ATP5MJ: variants seen among roughly 807,000 people sequenced by gnomAD.
The protein encoded by ATP5MJ is ATP synthase F(0) complex subunit j, mitochondrial.
ATP5MJ carries 4 observed loss-of-function variants against 8.3 expected under a neutral mutation model. The observed-to-expected ratio is 0.48, with a 90% CI of 0.24 to 1.11. ATP5MJ has a LOEUF of 1.11. Among genes scored for constraint, ATP5MJ ranks in the 50% least tolerant of loss-of-function variants. The pLI, the probability that ATP5MJ is intolerant of heterozygous loss-of-function variation, is 0.18. For missense variants in ATP5MJ, 66 were observed against 71.8 expected, an observed-to-expected ratio of 0.92 and a Z score of 0.29; for synonymous variants, 23 against 21.3, an observed-to-expected ratio of 1.08 and a Z score of -0.23.
At chr14:103,919,627 A>C (rs937528617) in intron 1 of ATP5MJ, among the ~76,000 whole-genome samples, 1 of 152,096 alleles carries the variant, frequency 6.6e-6, no homozygotes, top group Admixed American at 6.6e-5. Flanking sequence ...GAAGGGACTA[A>C]AGAAACTGAG....
intron 2 of ATP5MJ, 158 bp downstream of exon 2, chr14:103,914,908 G>C (rs1039401729): frequency 1.3e-6 from 1 of 769,354 alleles, no homozygotes; most frequent in Non-Finnish European, 2.0e-6. Context: ...GTCTTTTATA[G>C]CTGACATGTG....
chr14:103,913,923 T>C, intron 3 of ATP5MJ, 38 bp downstream of exon 3: 1 of 1,604,598 alleles, frequency 6.2e-7, no homozygotes, highest in Non-Finnish European at 8.5e-7. Context: ...ATGATGCTGT[T>C]TTCCATTCCC....
intron 1 of ATP5MJ, among the ~76,000 whole-genome samples, chr14:103,920,193 C>T (rs567617981): frequency 4.7e-5 from 7 of 149,146 alleles, no homozygotes; most frequent in South Asian, 2.1e-4. Flanking sequence ...GACGCGATCT[C>T]GGCTCACTGC....
At chr14:103,917,918 C>G (rs1352327898) in intron 1 of ATP5MJ, 1 of 152,224 alleles carries the variant, frequency 6.6e-6, no homozygotes, top group East Asian at 1.9e-4. Flanking sequence ...ATGACGAGAA[C>G]CTACCTCCAA....
At chr14:103,917,458 CT>C (rs11397437) in intron 1 of ATP5MJ, among the ~76,000 whole-genome samples, 469 of 145,670 alleles carry the variant, frequency 3.2e-3, no homozygotes, top group Admixed American at 3.2e-3. Flanking sequence ...AATTTAACAA[CT>C]TTTTTTTTTT....
chr14:103,913,725 C>T, intron 3 of ATP5MJ: 1 of 580,794 alleles, frequency 1.7e-6, no homozygotes. Flanking sequence ...CTAATTAATC[C>T]ATTCCTCTAT....
At chr14:103,916,976 A>C (rs971345559) in intron 1 of ATP5MJ, among the ~76,000 whole-genome samples, 3 of 152,116 alleles carry the variant, frequency 2.0e-5, no homozygotes, top group Admixed American at 2.0e-4. Flanking sequence ...CCCTCAAATC[A>C]CTGAAACCCG....
intron 1 of ATP5MJ, among the ~76,000 whole-genome samples, chr14:103,918,654 T>C (rs1159797857): frequency 6.6e-6 from 1 of 152,042 alleles, no homozygotes; most frequent in African/African-American, 2.4e-5. Context: ...GCCACCAGGC[T>C]CAACCCAGAG....
chr14:103,914,407 C>G (rs2087606380), intron 2 of ATP5MJ: 2 of 567,516 alleles, frequency 3.5e-6, no homozygotes, highest in South Asian at 4.7e-5. Flanking sequence ...ACCATGAACC[C>G]ATACCTTAAA....
At chr14:103,919,296 G>C (rs1408800423) in intron 1 of ATP5MJ, among the ~76,000 whole-genome samples, 1 of 149,474 alleles carries the variant, frequency 6.7e-6, no homozygotes, top group Non-Finnish European at 1.5e-5. Context: ...CAGGAGAATC[G>C]CTTGAACCCG....
At chr14:103,918,219 C>G (rs2087640846) in intron 1 of ATP5MJ, 1 of 152,268 alleles carries the variant, frequency 6.6e-6, no homozygotes, top group Non-Finnish European at 1.5e-5. Context: ...GAGTGAATCC[C>G]TTGTCTCTCA....
Position 103,912,676 on chromosome 14 carries a change from C to T in ATP5MJ, c.167G>A (p.Gly56Asp). ...TCCAAGTAAATCTGGTTAGTGATGA[C>T]CAGGAGCAGGCGCTGAAGCTTTTGA... is the stretch of plus-strand genomic sequence containing the variant. ...KALKASAPAP[G>D]HH Residue 56 changes from glycine (G) to aspartate (D), a missense_variant, in exon 4 of 4, where the codon GGT becomes GAT. By Grantham distance (94) the Gly-to-Asp change is moderately conservative. Transcript: ENST00000286953. The T allele has an allele frequency of 6.2e-7, 1 of 1,613,894 alleles. No homozygotes were observed. The highest frequency in any genetic ancestry group is 1.3e-5 in the African/African-American group (1 of 74,998).
Position 103,912,429 on chromosome 14 carries a change from G to A in ATP5MJ, c.*237C>T, listed in dbSNP as rs551187076. 10 of 501,664 alleles carry A rather than the reference G, an allele frequency of 2.0e-5. No individual in the cohort carries two copies. Among genetic ancestry groups the A allele is most frequent in the South Asian group, 1.4e-4 (4 of 27,824 alleles). 31.1% of individuals were successfully genotyped at this position (501,664 alleles called of 1,614,324 possible). ...GCTCAGTGAGATTCTGATTGCATGC[G>A]CTGCATGACAAATTATCTACTCAGA... On this transcript the variant is annotated 3_prime_UTR_variant, in exon 4 of 4. Transcript: ENST00000286953.
At chr14:103,914,730 G>A (rs972202896) in intron 2 of ATP5MJ, 2 of 541,626 alleles carry the variant, frequency 3.7e-6, no homozygotes, top group Non-Finnish European at 6.4e-6. Flanking sequence ...GGCAGGCTGA[G>A]GTGGGAGAAT....
At chr14:103,919,800 C>T (rs1458610558) in intron 1 of ATP5MJ, among the ~76,000 whole-genome samples, 3 of 151,956 alleles carry the variant, frequency 2.0e-5, no homozygotes, top group Admixed American at 6.6e-5. Flanking sequence ...GGACAAGTGA[C>T]ATGTTCCCAA....
chr14:103,916,687 A>G (rs1279243470), intron 1 of ATP5MJ, among the ~76,000 whole-genome samples: 1 of 152,200 alleles, frequency 6.6e-6, no homozygotes, highest in Non-Finnish European at 1.5e-5. Context: ...TTGAAGATGC[A>G]GTAAGCCATG....
intron 1 of ATP5MJ, among the ~76,000 whole-genome samples, chr14:103,920,047 G>A (rs1483848232): frequency 1.3e-5 from 2 of 151,570 alleles, no homozygotes; most frequent in Admixed American, 6.6e-5. Context: ...GGATGGTCTC[G>A]GTCTCTTAAC....
At chr14:103,918,798 A>G (rs1057311787) in intron 1 of ATP5MJ, among the ~76,000 whole-genome samples, 4 of 151,968 alleles carry the variant, frequency 2.6e-5, no homozygotes, top group African/African-American at 4.8e-5. Flanking sequence ...CAAGGCAGGG[A>G]GATCAAGAGG....
intron 3 of ATP5MJ, chr14:103,913,589 C>T (rs112823068): frequency 0.027 from 9,156 of 339,302 alleles, 197 homozygotes; most frequent in Middle Eastern, 0.066. Context: ...CCAGCCTGGG[C>T]GACAGAGCGA....
Sources: gnomAD v4.1 joint callset for allele counts (sites outside exome capture counted in the v4.1 genomes callset) on GRCh38, gnomAD v4.1.1 for gene constraint, MANE v1.5 for transcripts, NCBI Gene and HGNC (gene_info 2026-07-23, HGNC 2026-07-21) for gene names.